NTNG1: variants seen among roughly 807,000 people sequenced by gnomAD.
The protein encoded by NTNG1 is netrin G1, also known as netrin-G1.
A neutral mutation model predicts 54.0 loss-of-function variants in NTNG1; 16 were observed. The observed-to-expected ratio is 0.30, with a 90% CI of 0.20 to 0.45. NTNG1 has a LOEUF of 0.45. NTNG1 is among the 20% of genes least tolerant of loss of function. NTNG1 has a pLI of 1.00. For missense variants in NTNG1, 530 were observed against 678.7 expected (o/e 0.78, Z 2.43); for synonymous variants, 255 against 263.1 (o/e 0.97, Z 0.30).
At position 107,397,335 on chromosome 1, in the gene NTNG1, A is replaced by G. The variant is rs1672744559; in HGVS notation, c.1060+2009A>G. On this transcript the variant is annotated intron_variant, in intron 4 of 7. Transcript: ENST00000370068. ...TTTTAGAAACTATCTGCAGATCTGC[A>G]GTGGTCCAGTCTTGCAATGGGAATA... Among the ~76,000 whole-genome samples the G allele has an allele frequency of 2.0e-5, 3 of 152,222 alleles. No homozygotes were observed. In the South Asian group the frequency reaches 6.2e-4, roughly 31 times the overall value.
chr1:107,450,717 T>C (rs1228507856), intron 7 of NTNG1, among the ~76,000 whole-genome samples: 1 of 152,166 alleles, frequency 6.6e-6, no homozygotes, highest in Non-Finnish European at 1.5e-5. Context: ...TGCCATTTAG[T>C]CTTACAGGTT....
chr1:107,194,614 A>G (rs886716181), intron 2 of NTNG1, among the ~76,000 whole-genome samples: 15 of 152,080 alleles, frequency 9.9e-5, no homozygotes, highest in Non-Finnish European at 1.6e-4. Context: ...TGAGATCAGC[A>G]TAGTAAACCA....
chr1:107,369,608 T>C (rs1405861066), intron 3 of NTNG1, among the ~76,000 whole-genome samples: 3 of 152,198 alleles, frequency 2.0e-5, no homozygotes, highest in Non-Finnish European at 4.4e-5. Context: ...TTTCCTATTA[T>C]TGAGTTCAGA....
At chr1:107,324,155 A>T (rs1270176059) in intron 2 of NTNG1, 127 bp from the exon 3 acceptor site, 14 of 809,952 alleles carry the variant, frequency 1.7e-5, no homozygotes, top group Non-Finnish European at 2.8e-5. Flanking sequence ...AGTTAGGGCA[A>T]ATAAAAATGA....
intron 2 of NTNG1, among the ~76,000 whole-genome samples, chr1:107,222,246 C>T (rs1183052253): frequency 6.6e-5 from 10 of 152,038 alleles, no homozygotes; most frequent in Non-Finnish European, 1.5e-4. Context: ...CTGTACTTGC[C>T]GCCTAACTAC....
chr1:107,241,199 T>C (rs910422759), intron 2 of NTNG1, among the ~76,000 whole-genome samples: 4 of 152,176 alleles, frequency 2.6e-5, no homozygotes, highest in African/African-American at 9.7e-5. Flanking sequence ...AAAAATACAG[T>C]GATATGTTTT....
intron 7 of NTNG1, among the ~76,000 whole-genome samples, chr1:107,439,277 C>CGTGT (rs3064151): frequency 0.063 from 9,203 of 145,792 alleles, 441 homozygotes; most frequent in African/African-American, 0.13. Context: ...CCAGAACTTG[C>CGTGT]GTGTGTGTGT....
chr1:107,329,975 G>A (rs1236561289), intron 3 of NTNG1, among the ~76,000 whole-genome samples: 1 of 152,120 alleles, frequency 6.6e-6, no homozygotes, highest in Non-Finnish European at 1.5e-5. Flanking sequence ...TGTGGTAGCA[G>A]AGAAGCTACT....
chr1:107,395,090 A>G (rs1455865259), intron 3 of NTNG1, 64 bp from the exon 4 acceptor site: 1 of 1,299,634 alleles, frequency 7.7e-7, no homozygotes, highest in Non-Finnish European at 1.1e-6. Context: ...CAAATCAGGG[A>G]AGCCTCAGTG....
intron 3 of NTNG1, among the ~76,000 whole-genome samples, chr1:107,347,548 C>G (rs1002820866): frequency 6.6e-6 from 1 of 152,030 alleles, no homozygotes; most frequent in African/African-American, 2.4e-5. Context: ...ACAAAACTGG[C>G]CTCATGAGAT....
intron 2 of NTNG1, among the ~76,000 whole-genome samples, chr1:107,171,300 A>G (rs775748750): frequency 4.1e-4 from 62 of 151,878 alleles, no homozygotes; most frequent in Non-Finnish European, 8.2e-4. Flanking sequence ...GTGTGTGTGT[A>G]TATATATATT....
At chr1:107,181,047 G>A (rs1282358246) in intron 2 of NTNG1, among the ~76,000 whole-genome samples, 1 of 152,138 alleles carries the variant, frequency 6.6e-6, no homozygotes, top group East Asian at 1.9e-4. Context: ...CCTGCAAGTG[G>A]CCACTTATGC....
intron 7 of NTNG1, among the ~76,000 whole-genome samples, chr1:107,458,243 T>G (rs941137012): frequency 2.6e-5 from 4 of 152,064 alleles, no homozygotes; most frequent in African/African-American, 9.7e-5. Flanking sequence ...CTTCTAAAAT[T>G]AGGAACTGCC....
rs1667848234 is a variant in NTNG1, at chr1:107,324,738, C to A, written c.703C>A (p.Pro235Thr). The change falls in exon 3 of 8, where the codon CCT becomes ACT. Residue 235 changes from proline (P) to threonine (T), a missense_variant. Coordinates refer to ENST00000370068, the MANE Select transcript of NTNG1 (RefSeq NM_001113226.3). ...AGACAGGTTCGCGTTTTTTGCTGGACCTCGCCTACGCAATATGGCTTCCCT... is the reference window on the plus strand; with the variant it reads ...AGACAGGTTCGCGTTTTTTGCTGGAACTCGCCTACGCAATATGGCTTCCCT... Reference protein sequence around the residue: ...IKDRFAFFAGPRLRNMASLYG... With the variant: ...IKDRFAFFAGTRLRNMASLYG... 6.2e-7 allele frequency: 1 copy of A among 1,613,402 alleles called. No individual in the cohort carries two copies. Among genetic ancestry groups the A allele is most frequent in the African/African-American group, 1.3e-5 (1 of 74,858 alleles).
In NTNG1 at chr1:107,173,699, TTTTCTTTTTTCTTTTCTTTCTTTC is replaced by T. The variant is rs574187976; in HGVS notation, c.246+24871_246+24894del. ...GTGAGAAAAATTGTAGCTCTTTTTT[TTTTCTTTTTTCTTTTCTTTCTTTC>T]TTTCTTTTTTTTTTTTTGCCTGCTA... On this transcript the variant is annotated intron_variant, in intron 2 of 7. Transcript: ENST00000370068. Among the ~76,000 whole-genome samples, 82 of 151,954 alleles carry T rather than the reference TTTTCTTTTTTCTTTTCTTTCTTTC, an allele frequency of 5.4e-4. 2 individuals are homozygous for T. The highest frequency in any genetic ancestry group is 3.4e-3 in the Middle Eastern group (1 of 294).
chr1:107,313,085 A>G (rs917096621), intron 2 of NTNG1, among the ~76,000 whole-genome samples: 16 of 152,154 alleles, frequency 1.1e-4, no homozygotes, highest in Non-Finnish European at 1.6e-4. Flanking sequence ...TTGTCCCAGT[A>G]ATATATTTTG....
intron 2 of NTNG1, among the ~76,000 whole-genome samples, chr1:107,206,737 G>A (rs1659223032): frequency 6.6e-6 from 1 of 152,110 alleles, no homozygotes; most frequent in Admixed American, 6.5e-5. Context: ...TTTATTCAGT[G>A]CCTAGTATAT....
At chr1:107,363,881 T>G (rs1013852867) in intron 3 of NTNG1, among the ~76,000 whole-genome samples, 4 of 152,230 alleles carry the variant, frequency 2.6e-5, no homozygotes, top group African/African-American at 9.6e-5. Context: ...CTACCTATCT[T>G]ACATTGTTCA....
chr1:107,401,195 C>T (rs1290780472), intron 4 of NTNG1, among the ~76,000 whole-genome samples: 2 of 152,042 alleles, frequency 1.3e-5, no homozygotes, highest in African/African-American at 2.4e-5. Flanking sequence ...GATAGCATAT[C>T]GGATGGCGGA....
Sources: gnomAD v4.1 joint callset for allele counts (sites outside exome capture counted in the v4.1 genomes callset) on GRCh38, gnomAD v4.1.1 for gene constraint, MANE v1.5 for transcripts, NCBI Gene and HGNC (gene_info 2026-07-23, HGNC 2026-07-21) for gene names.